MCPH1: variants seen among roughly 807,000 people sequenced by gnomAD.
The protein encoded by MCPH1 is microcephalin 1.
In MCPH1, 104 loss-of-function variants were observed where a neutral mutation model predicts 84.5. That is an observed-to-expected ratio of 1.23 (90% CI 1.05 to 1.45). The LOEUF is 1.45. Ranked by LOEUF, MCPH1 falls within the 40% of genes most tolerant of loss-of-function variation. The pLI is 0.00. For synonymous variants in MCPH1, 514 were observed against 366.8 expected (o/e 1.40, Z -4.58); for missense variants, 1,498 against 1,005.7 (o/e 1.49, Z -6.62).
chr8:6,466,713 A>T (rs1400771197), intron 9 of MCPH1, among the ~76,000 whole-genome samples: 1 of 151,976 alleles, frequency 6.6e-6, no homozygotes, highest in Non-Finnish European at 1.5e-5. Flanking sequence ...TGCTGGGATT[A>T]CAGGCGGCAG....
chr8:6,408,753 G>C (rs755173831), intron 1 of MCPH1, among the ~76,000 whole-genome samples: 7 of 151,992 alleles, frequency 4.6e-5, no homozygotes, highest in Non-Finnish European at 1.0e-4. Flanking sequence ...TTTAGAGACA[G>C]GGTTTCACTA....
chr8:6,585,766 C>T (rs1003900273), intron 12 of MCPH1, among the ~76,000 whole-genome samples: 1 of 152,178 alleles, frequency 6.6e-6, no homozygotes, highest in Non-Finnish European at 1.5e-5. Context: ...GGCTGAGCAA[C>T]TTGGCCTGTA....
chr8:6,557,042 G>A (rs542133893), intron 12 of MCPH1, among the ~76,000 whole-genome samples: 3 of 152,256 alleles, frequency 2.0e-5, no homozygotes, highest in East Asian at 3.9e-4. Context: ...AGGGGTGGGC[G>A]GGGTCATATG....
chr8:6,532,280 G>T, intron 12 of MCPH1: 1 of 1,608,924 alleles, frequency 6.2e-7, no homozygotes, highest in Non-Finnish European at 8.5e-7. Context: ...ACGCGACTGA[G>T]TGCTAGTCTC....
intron 11 of MCPH1, among the ~76,000 whole-genome samples, chr8:6,484,242 C>T (rs1809584265): frequency 6.6e-6 from 1 of 152,020 alleles, no homozygotes; most frequent in Non-Finnish European, 1.5e-5. Flanking sequence ...CAAAAAATGG[C>T]AAAGAAAAGA....
At chr8:6,533,061 G>A (rs912262834) in intron 12 of MCPH1, among the ~76,000 whole-genome samples, 3 of 152,134 alleles carry the variant, frequency 2.0e-5, no homozygotes, top group Non-Finnish European at 4.4e-5. Flanking sequence ...ACCTTCCTCC[G>A]TATTGAGTTA....
chr8:6,519,785 C>T (rs1816958569), intron 12 of MCPH1: 5 of 1,530,358 alleles, frequency 3.3e-6, no homozygotes, highest in Non-Finnish European at 4.5e-6. Flanking sequence ...TGGGGAGAGA[C>T]TTCTGCTCTC....
intron 12 of MCPH1, among the ~76,000 whole-genome samples, chr8:6,603,780 C>G (rs565905047): frequency 2.6e-5 from 4 of 152,300 alleles, no homozygotes; most frequent in South Asian, 4.1e-4. Flanking sequence ...GAAACTGCCA[C>G]TTGCATTCTC....
intron 8 of MCPH1, among the ~76,000 whole-genome samples, chr8:6,449,347 A>T (rs527531091): frequency 6.6e-6 from 1 of 152,284 alleles, no homozygotes; most frequent in South Asian, 2.1e-4. Context: ...GAAATAGGAA[A>T]TTCCGGCCAG....
At position 6,409,331 on chromosome 8, in the gene MCPH1, A is replaced by G. The variant is rs760499374; in HGVS notation, c.75A>G (p.Ser25=). ...VWSSNGTENY[S]KTFTTQLVDM... is the part of the protein sequence containing the mutation. The stretch of plus-strand genomic sequence containing the variant: ...CATCCAATGGAACAGAAAATTATTC[A>G]AAGACATTTACAACACAGCTTGTGG... Residue 25 remains serine (S), a synonymous_variant, in exon 2 of 14, where the codon TCA becomes TCG. Transcript: ENST00000344683. 1.9e-5 allele frequency: 30 copies of G among 1,614,016 alleles called. No homozygotes were observed. In the Admixed American group the frequency reaches 2.3e-4, roughly 13 times the overall value.
intron 9 of MCPH1, chr8:6,474,152 C>T (rs142255228): frequency 1.3e-6 from 1 of 753,198 alleles, no homozygotes. Flanking sequence ...TCCACATTCT[C>T]TCATTTGGTT....
Position 6,492,255 on chromosome 8 carries a change from G to T in MCPH1, c.2137-7597G>T, listed in dbSNP as rs563181498. 1.6e-4 allele frequency among the ~76,000 whole-genome samples: 25 copies of T among 152,318 alleles called. No homozygotes were observed. In the South Asian group the frequency reaches 1.7e-3, roughly 10 times the overall value. On this transcript the variant is annotated intron_variant, in intron 11 of 13. Transcript: ENST00000344683. ...ATGATGCGCATGTTTTCATGTGTCT[G>T]TTGGCTGCATAAATGTCTTCTTTTG...
intron 12 of MCPH1, chr8:6,527,501 C>T: frequency 6.3e-7 from 1 of 1,584,042 alleles, no homozygotes; most frequent in Non-Finnish European, 8.6e-7. Flanking sequence ...GACCGACTTT[C>T]ATATCTGGAA....
intron 12 of MCPH1, among the ~76,000 whole-genome samples, chr8:6,549,201 A>G (rs1823147294): frequency 6.6e-6 from 1 of 152,240 alleles, no homozygotes; most frequent in South Asian, 2.1e-4. Context: ...GACTTCCATA[A>G]AAGAACACAA....
In MCPH1 at chr8:6,646,499, A is replaced by G. The variant is rs933384142; in HGVS notation, c.*3450A>G. The G allele has an allele frequency of 6.6e-6, 1 of 152,260 alleles. No individual in the cohort carries two copies. Among genetic ancestry groups the G allele is most frequent in the African/African-American group, 2.4e-5 (1 of 41,460 alleles). The allele number at this position is 152,260 out of a possible 1,614,324, so 9.4% of individuals were successfully genotyped here. A position where few individuals can be genotyped will look rare whatever the true frequency, so the allele number is the denominator to read the frequency against. On this transcript the variant is annotated 3_prime_UTR_variant, in exon 14 of 14. Coordinates refer to ENST00000344683, the MANE Select transcript of MCPH1 (RefSeq NM_024596.5). Reference sequence around the variant, plus strand: ...TTGAACAAAGGTGACGAGGCAAGTCAGTATAGCAGCATATTCTTTTCAACA... The same window carrying G: ...TTGAACAAAGGTGACGAGGCAAGTCGGTATAGCAGCATATTCTTTTCAACA...
chr8:6,467,482 T>C (rs1807127082), intron 9 of MCPH1, among the ~76,000 whole-genome samples: 1 of 152,246 alleles, frequency 6.6e-6, no homozygotes, highest in Non-Finnish European at 1.5e-5. Flanking sequence ...TTTTTGTTTT[T>C]AGTATTTTTC....
intron 12 of MCPH1, among the ~76,000 whole-genome samples, chr8:6,611,072 C>T (rs1830212691): frequency 6.6e-6 from 1 of 151,996 alleles, no homozygotes; most frequent in Non-Finnish European, 1.5e-5. Context: ...CCTACTACTG[C>T]TACTGCTTCT....
In MCPH1 at chr8:6,610,036, C is replaced by T. The variant is rs561820746; in HGVS notation, c.2215-11418C>T. ...TAAACGATACTCCCAGGCCTGACAA[C>T]ACATGGTTTTGCCTGAGGCCTTTAC... is the stretch of plus-strand genomic sequence containing the variant. On this transcript the variant is annotated intron_variant, in intron 12 of 13. Coordinates refer to ENST00000344683, the MANE Select transcript of MCPH1 (RefSeq NM_024596.5). Among the ~76,000 whole-genome samples the T allele has an allele frequency of 2.6e-5, 4 of 152,308 alleles. No homozygotes were observed. The South Asian group carries it at 8.3e-4, about 32-fold the overall frequency.
At chr8:6,527,568 G>T in intron 12 of MCPH1, 1 of 1,613,666 alleles carries the variant, frequency 6.2e-7, no homozygotes, top group Non-Finnish European at 8.5e-7. Context: ...TTCTTATCTT[G>T]CAATTTGTTT....
Sources: allele counts gnomAD v4.1 joint callset (sites outside exome capture counted in the v4.1 genomes callset), GRCh38; gene constraint gnomAD v4.1.1; transcripts MANE v1.5; gene names NCBI Gene and HGNC (gene_info 2026-07-23, HGNC 2026-07-21).